The following ITGA9 variants were observed in gnomAD, a reference collection of about 807,000 sequenced individuals.
ITGA9 encodes integrin alpha-9.
A neutral mutation model predicts 127.8 loss-of-function variants in ITGA9; 56 were observed. That is an observed-to-expected ratio of 0.44 (90% CI 0.35 to 0.55). The LOEUF (loss-of-function observed/expected upper bound fraction) is 0.55. Among genes scored for constraint, ITGA9 ranks in the 20% least tolerant of loss-of-function variants. ITGA9 has a pLI of 0.00. For synonymous variants in ITGA9, 508 were observed against 514.5 expected, an observed-to-expected ratio of 0.99 and a Z score of 0.17; for missense variants, 1,196 against 1,347.1, an observed-to-expected ratio of 0.89 and a Z score of 1.76.
At chr3:37,584,355 C>T (rs960547039) in intron 15 of ITGA9, among the ~76,000 whole-genome samples, 1 of 152,164 alleles carries the variant, frequency 6.6e-6, no homozygotes, top group Non-Finnish European at 1.5e-5. Flanking sequence ...CAGAGCAAGT[C>T]ATGAGGCCCA....
At chr3:37,564,683 T>G (rs1180489754) in intron 15 of ITGA9, among the ~76,000 whole-genome samples, 1 of 152,220 alleles carries the variant, frequency 6.6e-6, no homozygotes, top group South Asian at 2.1e-4. Flanking sequence ...TGGATATACT[T>G]GCCCCTTTAA....
At chr3:37,562,212 T>C (rs1699498402) in intron 15 of ITGA9, among the ~76,000 whole-genome samples, 1 of 152,128 alleles carries the variant, frequency 6.6e-6, no homozygotes, top group African/African-American at 2.4e-5. Flanking sequence ...CTGAAAGCCC[T>C]TTCTTAGGCT....
chr3:37,629,136 G>A lies in ITGA9; in HGVS notation c.1690-51G>A, dbSNP rs772640355. On this transcript the variant is annotated intron_variant, in intron 15 of 27. Transcript: ENST00000264741. This position sits in a 1 kb window ranked among gnomAD's most constrained non-coding sequence, Gnocchi z 4.5. ...CTTTGTAAACTGTGAAATGCTCTAC[G>A]ACTGTCAGCCAGGATTAGTAGTTAA... 1.7e-5 allele frequency: 28 copies of A among 1,606,272 alleles called. No individual in the cohort carries two copies. Among genetic ancestry groups the A allele is most frequent in the Non-Finnish European group, 2.1e-5 (25 of 1,174,886 alleles).
At chr3:37,798,045 C>T (rs1322905669) in intron 26 of ITGA9, among the ~76,000 whole-genome samples, 2 of 152,174 alleles carry the variant, frequency 1.3e-5, no homozygotes, top group Non-Finnish European at 2.9e-5. Flanking sequence ...GGCTGGAGCG[C>T]AGTGGCACAG....
chr3:37,713,827 G>T (rs1232148550), intron 18 of ITGA9, among the ~76,000 whole-genome samples: 2 of 152,216 alleles, frequency 1.3e-5, no homozygotes, highest in African/African-American at 4.8e-5. Context: ...CTGTTTCTGA[G>T]CTGAGGATGA....
intron 10 of ITGA9, among the ~76,000 whole-genome samples, chr3:37,518,905 C>T (rs1450267006): frequency 6.6e-6 from 1 of 150,498 alleles, no homozygotes; most frequent in Non-Finnish European, 1.5e-5. Context: ...TTGCCTCAGC[C>T]TCCAGAGTAG....
At chr3:37,712,765 A>G (rs777649413) in intron 18 of ITGA9, among the ~76,000 whole-genome samples, 4 of 152,156 alleles carry the variant, frequency 2.6e-5, no homozygotes, top group Non-Finnish European at 5.9e-5. Context: ...AATGTCATAG[A>G]GTCTGATTGG....
intron 17 of ITGA9, among the ~76,000 whole-genome samples, chr3:37,673,412 A>G (rs1700655611): frequency 6.6e-6 from 1 of 152,136 alleles, no homozygotes; most frequent in African/African-American, 2.4e-5. Flanking sequence ...CAGTGGCATC[A>G]CTGGTGTGAG....
chr3:37,776,029 C>A (rs1478537916), intron 23 of ITGA9, among the ~76,000 whole-genome samples: 1 of 152,254 alleles, frequency 6.6e-6, no homozygotes, highest in East Asian at 1.9e-4. Flanking sequence ...ATGCCCTTTG[C>A]AGGAACATGG....
chr3:37,627,123 C>T (rs1450166764), intron 15 of ITGA9, among the ~76,000 whole-genome samples: 1 of 152,152 alleles, frequency 6.6e-6, no homozygotes, highest in Non-Finnish European at 1.5e-5. Context: ...TTTCTGGAAA[C>T]AATTTGTCCA....
chr3:37,796,262 G>A lies in ITGA9; in HGVS notation c.2890-7561G>A, dbSNP rs1575241932. On this transcript the variant is annotated intron_variant, in intron 26 of 27. Coordinates refer to ENST00000264741, the MANE Select transcript of ITGA9 (RefSeq NM_002207.3). ...CTCAGGGAACTCTGTTCACTCCCATGCCTCTATCATGAGGATCTTTTATCA... is the reference window on the plus strand; with the variant it reads ...CTCAGGGAACTCTGTTCACTCCCATACCTCTATCATGAGGATCTTTTATCA... Among the ~76,000 whole-genome samples, 4 of 152,212 alleles carry A rather than the reference G, an allele frequency of 2.6e-5. No individual in the cohort carries two copies. In the South Asian group the frequency reaches 8.3e-4, roughly 32 times the overall value.
chr3:37,625,054 T>C (rs1277770455), intron 15 of ITGA9, among the ~76,000 whole-genome samples: 1 of 152,204 alleles, frequency 6.6e-6, no homozygotes, highest in East Asian at 1.9e-4. Flanking sequence ...TCAACTTGAC[T>C]TCCCACCTTT....
At chr3:37,498,891 C>G (rs1226673537) in intron 5 of ITGA9, among the ~76,000 whole-genome samples, 1 of 152,218 alleles carries the variant, frequency 6.6e-6, no homozygotes, top group African/African-American at 2.4e-5. Flanking sequence ...GTTGAAGGGT[C>G]CAGGCCAGCG....
intron 8 of ITGA9, among the ~76,000 whole-genome samples, chr3:37,511,878 C>G (rs963892866): frequency 1.3e-5 from 2 of 152,198 alleles, no homozygotes; most frequent in African/African-American, 4.8e-5. Flanking sequence ...CAAACTCCAA[C>G]AGTAAAAGAA....
intron 14 of ITGA9, among the ~76,000 whole-genome samples, 178 bp from the exon 15 acceptor site, chr3:37,542,247 T>G (rs1440097704): frequency 2.6e-5 from 4 of 152,172 alleles, no homozygotes; most frequent in Non-Finnish European, 5.9e-5. Context: ...CTCGATTCTT[T>G]GAGCACCCTG....
chr3:37,615,081 A>G (rs1021350178), intron 15 of ITGA9, among the ~76,000 whole-genome samples: 63 of 152,332 alleles, frequency 4.1e-4, no homozygotes, highest in Non-Finnish European at 7.5e-4. Flanking sequence ...TTGCCCATTC[A>G]GTATGATATT....
rs969809812 is a variant in ITGA9, at chr3:37,712,229, A to G, written c.2068-20483A>G. On this transcript the variant is annotated intron_variant, in intron 18 of 27. Coordinates refer to ENST00000264741, the MANE Select transcript of ITGA9 (RefSeq NM_002207.3). ...CTCCCCCAGATGTGGGACACTCCTC[A>G]AGGGTTTCCAGGTGACCACAGAGGG... Among the ~76,000 whole-genome samples the G allele has an allele frequency of 1.4e-4, 21 of 152,260 alleles. No individual in the cohort carries two copies. The East Asian group carries it at 4.1e-3, about 29-fold the overall frequency.
intron 15 of ITGA9, among the ~76,000 whole-genome samples, chr3:37,545,925 G>A (rs562114570): frequency 7.2e-5 from 11 of 152,228 alleles, no homozygotes; most frequent in African/African-American, 2.6e-4. Flanking sequence ...CTTTGCCTTG[G>A]TTCTTATGCT....
chr3:37,687,449 C>T (rs1208205235), intron 18 of ITGA9, among the ~76,000 whole-genome samples: 1 of 152,102 alleles, frequency 6.6e-6, no homozygotes, highest in Non-Finnish European at 1.5e-5. Context: ...AAAATGGTTC[C>T]AGAATAATTG....
Sources: gnomAD v4.1 joint callset for allele counts (sites outside exome capture counted in the v4.1 genomes callset) on GRCh38, gnomAD v4.1.1 for gene constraint, Gnocchi (gnomAD v3.1) non-coding constraint, MANE v1.5 for transcripts, NCBI Gene and HGNC (gene_info 2026-07-23, HGNC 2026-07-21) for gene names.